PADI1: variants seen among roughly 807,000 people sequenced by gnomAD.
The protein encoded by PADI1 is protein-arginine deiminase type-1.
A neutral mutation model predicts 74.8 loss-of-function variants in PADI1; 65 were observed. The observed-to-expected ratio is 0.87, with a 90% CI of 0.71 to 1.07. The LOEUF is 1.07. Ranked by LOEUF, PADI1 falls within the 50% of genes least tolerant of loss-of-function variation. The pLI, the probability that PADI1 is intolerant of heterozygous loss-of-function variation, is 0.00. For synonymous variants in PADI1, 371 were observed against 336.2 expected (o/e 1.10, Z -1.13); for missense variants, 943 against 854.0 (o/e 1.10, Z -1.30).
At chr1:17,241,867 G>T (rs111287420) in intron 15 of PADI1, among the ~76,000 whole-genome samples, 1 of 147,116 alleles carries the variant, frequency 6.8e-6, no homozygotes, top group Non-Finnish European at 1.5e-5. Flanking sequence ...AGTGAATGTC[G>T]GAATCGGGAT....
chr1:17,230,283 C>T, intron 9 of PADI1, 75 bp downstream of exon 9: 1 of 1,540,122 alleles, frequency 6.5e-7, no homozygotes, highest in South Asian at 1.2e-5. Flanking sequence ...GCCTGATGGA[C>T]CCAGTGTCGC....
rs542820495 is a variant in PADI1 at position 17,245,665 on chromosome 1, C to G, written c.*1422C>G. The G allele has an allele frequency of 6.6e-6, 1 of 152,232 alleles. No homozygotes were observed. The highest frequency in any genetic ancestry group is 2.4e-5 in the African/African-American group (1 of 41,454). 9.4% of individuals were successfully genotyped at this position (152,232 alleles called of 1,614,324 possible). ...GGGTGAGCGGGAACCTGAAAATCCCCTTCTGGAAGGTTCTACAGAACTCTA... is the reference window on the plus strand; with the variant it reads ...GGGTGAGCGGGAACCTGAAAATCCCGTTCTGGAAGGTTCTACAGAACTCTA... On this transcript the variant is annotated 3_prime_UTR_variant, in exon 16 of 16. Coordinates refer to ENST00000375471, the MANE Select transcript of PADI1 (RefSeq NM_013358.3). The surrounding 1 kb of genome is among the most constrained non-coding windows in gnomAD (Gnocchi z 4.1).
At chr1:17,211,767 G>A (rs1280150600) in intron 1 of PADI1, among the ~76,000 whole-genome samples, 3 of 152,244 alleles carry the variant, frequency 2.0e-5, no homozygotes, top group Non-Finnish European at 4.4e-5. Flanking sequence ...CCAGGCAGGG[G>A]CCAAGCACGG....
At chr1:17,239,871 A>C in intron 14 of PADI1, 88 bp downstream of exon 14, 3 of 1,055,938 alleles carry the variant, frequency 2.8e-6, no homozygotes, top group Non-Finnish European at 4.3e-6. Flanking sequence ...TCAGAGATTC[A>C]GCGCTGGAGC....
At chr1:17,237,541 C>G (rs2072675416) in intron 12 of PADI1, 83 bp downstream of exon 12, 3 of 1,347,202 alleles carry the variant, frequency 2.2e-6, no homozygotes, top group Admixed American at 2.4e-5. Flanking sequence ...CATCTGGAAC[C>G]AGCTCAACCC....
At chr1:17,235,293 G>GGAGGGAA (rs1557479110) in intron 11 of PADI1, among the ~76,000 whole-genome samples, 5 of 62,828 alleles carry the variant, frequency 8.0e-5, no homozygotes, top group African/African-American at 2.4e-4. Context: ...GAAGGAAGGA[G>GGAGGGAA]GGAAGGAAGG....
chr1:17,230,315 G>A, intron 9 of PADI1, 107 bp downstream of exon 9: 5 of 1,406,878 alleles, frequency 3.6e-6, no homozygotes, highest in Non-Finnish European at 4.8e-6. Flanking sequence ...CGGCAGCCTG[G>A]GCCAGGCCTC....
chr1:17,230,329 G>A lies in PADI1; in HGVS notation c.1053+121G>A, dbSNP rs138377880. On this transcript the variant is annotated intron_variant, in intron 9 of 15. Coordinates refer to ENST00000375471, the MANE Select transcript of PADI1 (RefSeq NM_013358.3). Reference sequence around the variant, plus strand: ...ACGGCAGCCTGGGCCAGGCCTCTGGGGCGAGGGCTTTTCCGCTGCCTGCAT... The same window carrying A: ...ACGGCAGCCTGGGCCAGGCCTCTGGAGCGAGGGCTTTTCCGCTGCCTGCAT... 4.7e-4 allele frequency: 592 copies of A among 1,260,906 alleles called. 3 individuals are homozygous for A. In the African/African-American group the frequency reaches 7.2e-3, roughly 15 times the overall value. The allele number at this position is 1,260,906 out of a possible 1,614,324, so 78.1% of individuals were successfully genotyped here.
At chr1:17,213,354 C>T (rs987923882) in intron 1 of PADI1, among the ~76,000 whole-genome samples, 4 of 152,212 alleles carry the variant, frequency 2.6e-5, no homozygotes, top group African/African-American at 9.7e-5. Flanking sequence ...TCCCCGCGGC[C>T]TGGGCATAAT....
At chr1:17,230,541 C>G in intron 9 of PADI1, 31 bp from the exon 10 acceptor site, 1 of 1,475,518 alleles carries the variant, frequency 6.8e-7, no homozygotes, top group South Asian at 1.2e-5. Flanking sequence ...CGAAAAAGGT[C>G]ACTGTGGCTT....
At chr1:17,220,357 G>A (rs976347942) in intron 1 of PADI1, among the ~76,000 whole-genome samples, 1 of 152,148 alleles carries the variant, frequency 6.6e-6, no homozygotes, top group Non-Finnish European at 1.5e-5. Context: ...GGTTGTGGAG[G>A]GGGTCTGGTT....
intron 15 of PADI1, among the ~76,000 whole-genome samples, chr1:17,241,250 C>A (rs138424363): frequency 6.6e-6 from 1 of 152,286 alleles, no homozygotes; most frequent in East Asian, 1.9e-4. Flanking sequence ...GGGCAGCTGA[C>A]AAGGAGATGA....
rs1339196056 is a variant in PADI1 at position 17,240,176 on chromosome 1, G to T, written c.1632+393G>T. 1.6e-5 allele frequency: 4 copies of T among 257,992 alleles called. 1 individual carries two copies. The highest frequency in any genetic ancestry group is 3.0e-5 in the Non-Finnish European group (4 of 131,918). 16.0% of individuals were successfully genotyped at this position (257,992 alleles called of 1,614,324 possible). A position where few individuals can be genotyped will look rare whatever the true frequency, so the allele number is the denominator to read the frequency against. ...CCTGTGGGAACAGGTGAAGCAAGGT[G>T]TCAGGAAGGGGCAGGGCTCACCCCA... is the stretch of plus-strand genomic sequence containing the variant. On this transcript the variant is annotated intron_variant, in intron 14 of 15. Coordinates refer to ENST00000375471, the MANE Select transcript of PADI1 (RefSeq NM_013358.3).
chr1:17,224,298 A>G lies in PADI1; in HGVS notation c.347-69A>G, dbSNP rs1471021383. The G allele has an allele frequency of 5.6e-6, 8 of 1,419,220 alleles. No individual in the cohort carries two copies. In the East Asian group the frequency reaches 1.4e-4, roughly 25 times the overall value. 87.9% of individuals were successfully genotyped at this position (1,419,220 alleles called of 1,614,324 possible). A position where few individuals can be genotyped will look rare whatever the true frequency, so the allele number is the denominator to read the frequency against. On this transcript the variant is annotated intron_variant, in intron 3 of 15. Coordinates refer to ENST00000375471, the MANE Select transcript of PADI1 (RefSeq NM_013358.3). ...TTGGGGAGGGGTCAGAGTTTGCCCAACCTGGACTTTAGGGGTGTGAAGATG... is the reference window on the plus strand; with the variant it reads ...TTGGGGAGGGGTCAGAGTTTGCCCAGCCTGGACTTTAGGGGTGTGAAGATG...
intron 1 of PADI1, among the ~76,000 whole-genome samples, chr1:17,211,312 C>T (rs1382610398): frequency 6.6e-6 from 1 of 152,084 alleles, no homozygotes; most frequent in Admixed American, 6.5e-5. Flanking sequence ...CAGGTTGAAG[C>T]AATTCCTCTC....
chr1:17,240,350 G>A, intron 14 of PADI1: 1 of 314,986 alleles, frequency 3.2e-6, no homozygotes, highest in Non-Finnish European at 6.0e-6. Context: ...CAGCCATGCT[G>A]TGGCTGGGGC....
intron 15 of PADI1, 67 bp downstream of exon 15, chr1:17,240,827 C>T (rs2072761260): frequency 6.4e-7 from 1 of 1,567,210 alleles, no homozygotes; most frequent in African/African-American, 1.4e-5. Flanking sequence ...ACTCCCTGGC[C>T]CAGGGCAGGC....
chr1:17,229,487 C>A (rs146526724), intron 8 of PADI1, among the ~76,000 whole-genome samples: 1 of 152,216 alleles, frequency 6.6e-6, no homozygotes, highest in Non-Finnish European at 1.5e-5. Context: ...GTCCTTCTGC[C>A]GTCTCTCAGA....
intron 14 of PADI1, 54 bp downstream of exon 14, chr1:17,239,837 A>G: frequency 7.1e-7 from 1 of 1,412,960 alleles, no homozygotes; most frequent in East Asian, 2.4e-5. Flanking sequence ...TCCAGGGAGA[A>G]GAAGCCCCAG....
Sources: gnomAD v4.1 joint callset for allele counts (sites outside exome capture counted in the v4.1 genomes callset) on GRCh38, gnomAD v4.1.1 for gene constraint, Gnocchi (gnomAD v3.1) non-coding constraint, MANE v1.5 for transcripts, NCBI Gene and HGNC (gene_info 2026-07-23, HGNC 2026-07-21) for gene names.